The following UBE2QL1 variants were observed in gnomAD, a reference collection of about 807,000 sequenced individuals.
UBE2QL1 encodes ubiquitin-conjugating enzyme E2Q-like protein 1.
A neutral mutation model predicts 12.6 loss-of-function variants in UBE2QL1; 5 were observed. The observed-to-expected ratio is 0.40, with a 90% confidence interval of 0.21 to 0.83. The LOEUF (loss-of-function observed/expected upper bound fraction) is 0.83, where lower values mean the gene tolerates loss of function less well. Ranked by LOEUF, UBE2QL1 falls within the 40% of genes least tolerant of loss-of-function variation. The pLI, the probability that UBE2QL1 is intolerant of heterozygous loss-of-function variation, is 0.37. For missense variants in UBE2QL1, 99 were observed against 222.6 expected (o/e 0.44, Z 3.53); for synonymous variants, 96 against 94.5 (o/e 1.02, Z -0.10).
chr5:6,457,775 G>A (rs1360284570), intron 1 of UBE2QL1, among the ~76,000 whole-genome samples: 1 of 152,236 alleles, frequency 6.6e-6, no homozygotes, highest in Non-Finnish European at 1.5e-5. Flanking sequence ...CTGAGGAGGT[G>A]TCTAGTTGGC....
At chr5:6,482,428 C>A (rs1274391368) in intron 1 of UBE2QL1, among the ~76,000 whole-genome samples, 1 of 152,186 alleles carries the variant, frequency 6.6e-6, no homozygotes, top group Non-Finnish European at 1.5e-5. Context: ...CCCACCCTCA[C>A]GTGGCGTCTG....
At chr5:6,454,352 G>A (rs1029005740) in intron 1 of UBE2QL1, among the ~76,000 whole-genome samples, 6 of 152,134 alleles carry the variant, frequency 3.9e-5, no homozygotes, top group African/African-American at 7.2e-5. Flanking sequence ...CCTTCCTTCT[G>A]TGTGTGTCTG....
At chr5:6,489,437 G>A (rs1414052198) in intron 1 of UBE2QL1, among the ~76,000 whole-genome samples, 1 of 149,862 alleles carries the variant, frequency 6.7e-6, no homozygotes, top group Non-Finnish European at 1.5e-5. Context: ...AAAAAAAAAA[G>A]AAAAAGAAAA....
rs1734370325 is a variant in UBE2QL1, at chr5:6,481,918, G to A, written c.355-9300G>A. Among the ~76,000 whole-genome samples the A allele has an allele frequency of 6.6e-6, 1 of 152,202 alleles. No homozygotes were observed. Among genetic ancestry groups the A allele is most frequent in the Non-Finnish European group, 1.5e-5 (1 of 68,042 alleles). ...CTCTGTCAGCTTTATGCCTGCCGTGGGCAGAGTTATGTCCTCCCCAAAATA... is the reference window on the plus strand; with the variant it reads ...CTCTGTCAGCTTTATGCCTGCCGTGAGCAGAGTTATGTCCTCCCCAAAATA... On this transcript the variant is annotated intron_variant, in intron 1 of 1. Transcript: ENST00000399816. This position sits in a 1 kb window ranked among gnomAD's most constrained non-coding sequence, Gnocchi z 4.5.
chr5:6,484,336 A>G (rs1333453228), intron 1 of UBE2QL1, among the ~76,000 whole-genome samples: 2 of 152,064 alleles, frequency 1.3e-5, no homozygotes, highest in East Asian at 3.9e-4. Flanking sequence ...CCTTTCCCTG[A>G]GGATTCTGGG....
intron 1 of UBE2QL1, among the ~76,000 whole-genome samples, chr5:6,453,623 A>G (rs1039435762): frequency 1.3e-5 from 2 of 152,216 alleles, no homozygotes; most frequent in African/African-American, 4.8e-5. Flanking sequence ...GTGAAATGAT[A>G]TGCAGTGATG....
chr5:6,483,768 C>A (rs556920996), intron 1 of UBE2QL1, among the ~76,000 whole-genome samples: 1 of 152,212 alleles, frequency 6.6e-6, no homozygotes, highest in African/African-American at 2.4e-5. Context: ...ACTAAAGCCA[C>A]GCCAAGGGCT....
At chr5:6,482,066 G>C (rs1734373637) in intron 1 of UBE2QL1, among the ~76,000 whole-genome samples, 1 of 152,202 alleles carries the variant, frequency 6.6e-6, no homozygotes, top group Non-Finnish European at 1.5e-5. Flanking sequence ...AATGACTGGT[G>C]TCACTGTAAG....
intron 1 of UBE2QL1, among the ~76,000 whole-genome samples, chr5:6,488,937 C>G (rs993623002): frequency 2.0e-5 from 3 of 152,196 alleles, no homozygotes; most frequent in Non-Finnish European, 4.4e-5. Flanking sequence ...TATATTAGCT[C>G]TGAGTGGTCT....
chr5:6,484,063 A>G (rs1734417759), intron 1 of UBE2QL1, among the ~76,000 whole-genome samples: 1 of 152,160 alleles, frequency 6.6e-6, no homozygotes, highest in Non-Finnish European at 1.5e-5. Flanking sequence ...CATTCAACAC[A>G]TTTTTTAGCT....
Position 6,450,897 on chromosome 5 carries a change from G to A in UBE2QL1, c.354+1650G>A, listed in dbSNP as rs140063408. Among the ~76,000 whole-genome samples, 36 of 152,322 alleles carry A rather than the reference G, an allele frequency of 2.4e-4. No individual in the cohort carries two copies. The East Asian group carries it at 6.5e-3, about 28-fold the overall frequency. ...TTTCCATCCTGCAGTTACATGTTGA[G>A]TCTGATGAAAGGTTCATGTGATAGA... is the stretch of plus-strand genomic sequence containing the variant. On this transcript the variant is annotated intron_variant, in intron 1 of 1. Transcript: ENST00000399816.
chr5:6,488,517 G>T (rs1323727528), intron 1 of UBE2QL1, among the ~76,000 whole-genome samples: 1 of 151,824 alleles, frequency 6.6e-6, no homozygotes, highest in Non-Finnish European at 1.5e-5. Flanking sequence ...AATTGATGCT[G>T]GCCGGGCACA....
intron 1 of UBE2QL1, among the ~76,000 whole-genome samples, chr5:6,455,145 G>T (rs1276248810): frequency 2.0e-5 from 3 of 152,170 alleles, no homozygotes; most frequent in Admixed American, 6.5e-5. Context: ...AGCGATGGGG[G>T]AGATTGGGTT....
At chr5:6,465,700 GC>G (rs1247366181) in intron 1 of UBE2QL1, among the ~76,000 whole-genome samples, 1 of 152,152 alleles carries the variant, frequency 6.6e-6, no homozygotes, top group African/African-American at 2.4e-5. Flanking sequence ...AAAGGAAAGA[GC>G]CCTCCGGGAT....
intron 1 of UBE2QL1, among the ~76,000 whole-genome samples, chr5:6,468,164 A>G (rs1739836128): frequency 6.6e-6 from 1 of 152,054 alleles, no homozygotes; most frequent in Admixed American, 6.6e-5. Flanking sequence ...CATGTGTCCA[A>G]GGTTAACAGT....
At chr5:6,473,701 A>G (rs1734150032) in intron 1 of UBE2QL1, among the ~76,000 whole-genome samples, 1 of 152,242 alleles carries the variant, frequency 6.6e-6, no homozygotes, top group Non-Finnish European at 1.5e-5. Flanking sequence ...AGAAAACCTC[A>G]GTACCGTAAG....
chr5:6,471,261 G>T (rs1356720920), intron 1 of UBE2QL1, among the ~76,000 whole-genome samples: 1 of 152,224 alleles, frequency 6.6e-6, no homozygotes, highest in Non-Finnish European at 1.5e-5. Context: ...CTAAAACTCA[G>T]TGTCTTGAAG....
intron 1 of UBE2QL1, among the ~76,000 whole-genome samples, chr5:6,487,513 G>A (rs16877371): frequency 0.06 from 9,159 of 152,290 alleles, 390 homozygotes; most frequent in Admixed American, 0.12. Context: ...TGTTGTAGTG[G>A]ATGAGTGAAG....
chr5:6,467,467 C>T (rs1277096890), intron 1 of UBE2QL1, among the ~76,000 whole-genome samples: 1 of 152,144 alleles, frequency 6.6e-6, no homozygotes, highest in African/African-American at 2.4e-5. Context: ...TCTGAATTTC[C>T]TCTTCCTAGA....
Sources: gnomAD v4.1 joint callset for allele counts (sites outside exome capture counted in the v4.1 genomes callset) on GRCh38, gnomAD v4.1.1 for gene constraint, Gnocchi (gnomAD v3.1) non-coding constraint, MANE v1.5 for transcripts, NCBI Gene and HGNC (gene_info 2026-07-23, HGNC 2026-07-21) for gene names.